Variants in UBR3 observed in about 807,000 individuals in gnomAD.
UBR3 encodes the protein E3 ubiquitin-protein ligase UBR3.
A neutral mutation model predicts 243.2 loss-of-function variants in UBR3; 85 were observed. The observed-to-expected ratio is 0.35, with a 90% CI of 0.29 to 0.42. The LOEUF (loss-of-function observed/expected upper bound fraction) is 0.42. UBR3 is among the 10% of genes least tolerant of loss of function. The probability of loss-of-function intolerance (pLI) is 1.00; values close to 1 mark genes in which losing one functional copy is unlikely to be tolerated. For missense variants in UBR3, 1,686 were observed against 2,300.8 expected, an observed-to-expected ratio of 0.73 and a Z score of 5.47; for synonymous variants, 748 against 799.8, an observed-to-expected ratio of 0.94 and a Z score of 1.09.
chr2:169,900,797 A>G (rs1040771109), intron 8 of UBR3, among the ~76,000 whole-genome samples: 10 of 150,422 alleles, frequency 6.6e-5, no homozygotes, highest in Non-Finnish European at 1.5e-4. Flanking sequence ...TCGTATCCTT[A>G]CCTACCTCAT....
intron 10 of UBR3, among the ~76,000 whole-genome samples, chr2:169,907,653 A>G (rs976435514): frequency 6.6e-6 from 1 of 152,126 alleles, no homozygotes; most frequent in Non-Finnish European, 1.5e-5. Flanking sequence ...CTTTACTTAA[A>G]AATCATTCAA....
chr2:170,055,352 G>C (rs2091310009), intron 32 of UBR3, 108 bp from the exon 33 acceptor site: 1 of 1,358,916 alleles, frequency 7.4e-7, no homozygotes, highest in East Asian at 2.5e-5. Flanking sequence ...ATTAAGTGTT[G>C]AAAACAAAAA....
intron 30 of UBR3, among the ~76,000 whole-genome samples, chr2:170,016,177 AAT>A (rs910649488): frequency 3.3e-5 from 5 of 151,866 alleles, no homozygotes; most frequent in Admixed American, 6.6e-5. Context: ...TTTTTAACAA[AAT>A]ATATGTTATT....
chr2:170,001,527 C>G, intron 27 of UBR3, 113 bp downstream of exon 27: 1 of 642,132 alleles, frequency 1.6e-6, no homozygotes, highest in African/African-American at 1.8e-5. Context: ...TTTTGATCAT[C>G]GTATAAACTA....
intron 1 of UBR3, among the ~76,000 whole-genome samples, chr2:169,831,127 A>ATATATTTT (rs1450878762): frequency 1.8e-5 from 1 of 56,464 alleles, no homozygotes; most frequent in African/African-American, 9.0e-5. Flanking sequence ...ATATATATAT[A>ATATATTTT]TTTTTTTTTT....
intron 2 of UBR3, 114 bp from the exon 3 acceptor site, chr2:169,875,677 T>C: frequency 9.6e-7 from 1 of 1,046,514 alleles, no homozygotes; most frequent in South Asian, 2.3e-5. Context: ...TTTTTGATTA[T>C]AAAATACTAT....
intron 11 of UBR3, among the ~76,000 whole-genome samples, chr2:169,917,806 G>A (rs759894267): frequency 4.6e-5 from 7 of 152,156 alleles, no homozygotes; most frequent in South Asian, 2.1e-4. Context: ...GGGTTCAAGC[G>A]ATTCTCCTGC....
In UBR3 at chr2:169,882,365, ATG is replaced by A. The variant is rs368797585; in HGVS notation, c.1038+3793_1038+3794del. Among the ~76,000 whole-genome samples the A allele has an allele frequency of 5.7e-5, 8 of 140,352 alleles. No individual in the cohort carries two copies. In the East Asian group the frequency reaches 8.0e-4, roughly 14 times the overall value. 92.1% of individuals were successfully genotyped at this position (140,352 alleles called of 152,430 possible). On this transcript the variant is annotated intron_variant, in intron 5 of 38. Coordinates refer to ENST00000272793, the MANE Select transcript of UBR3 (RefSeq NM_172070.4). ...ATATATATGTAAATATATATTATATATGTAAATATATATTATATATAAAAATA... is the reference window on the plus strand; with the variant it reads ...ATATATATGTAAATATATATTATATATAAATATATATTATATATAAAAATA...
intron 32 of UBR3, among the ~76,000 whole-genome samples, chr2:170,047,764 C>T (rs1001078410): frequency 6.6e-6 from 1 of 152,104 alleles, no homozygotes; most frequent in Non-Finnish European, 1.5e-5. Context: ...AGTTGCATGC[C>T]ATTCTGAGTA....
At chr2:169,871,942 C>A (rs539111571) in intron 1 of UBR3, among the ~76,000 whole-genome samples, 3 of 151,748 alleles carry the variant, frequency 2.0e-5, no homozygotes, top group African/African-American at 7.3e-5. Flanking sequence ...TAAAGTGGTA[C>A]CTGAAAGTAA....
intron 8 of UBR3, among the ~76,000 whole-genome samples, chr2:169,903,447 G>T (rs2084903853): frequency 6.6e-6 from 1 of 152,080 alleles, no homozygotes; most frequent in African/African-American, 2.4e-5. Flanking sequence ...CATGGCCAGG[G>T]GTTAGTATAA....
intron 1 of UBR3, among the ~76,000 whole-genome samples, chr2:169,871,102 G>T (rs1485017894): frequency 1.3e-5 from 2 of 151,900 alleles, no homozygotes; most frequent in South Asian, 2.1e-4. Context: ...GTTTAATGTG[G>T]TAATTATGTG....
At chr2:169,848,700 GT>G (rs2082564275) in intron 1 of UBR3, among the ~76,000 whole-genome samples, 1 of 125,580 alleles carries the variant, frequency 8.0e-6, no homozygotes, top group Admixed American at 8.6e-5. Context: ...GTAATGTCAA[GT>G]TTTTTAATTT....
At chr2:170,067,796 GT>G (rs2091609770) in intron 35 of UBR3, among the ~76,000 whole-genome samples, 1 of 139,040 alleles carries the variant, frequency 7.2e-6, no homozygotes, top group Non-Finnish European at 1.5e-5. Context: ...TTTTGAGACA[GT>G]TTCCCTCTGT....
chr2:170,038,362 G>A (rs575605456), intron 31 of UBR3, among the ~76,000 whole-genome samples: 8 of 152,254 alleles, frequency 5.3e-5, no homozygotes, highest in South Asian at 4.1e-4. Flanking sequence ...TGTACCACTC[G>A]TTTATTTGTT....
At chr2:170,019,696 A>G (rs6752586) in intron 30 of UBR3, among the ~76,000 whole-genome samples, 16,268 of 152,186 alleles carry the variant, frequency 0.11, 1,141 homozygotes, top group Admixed American at 0.19. Flanking sequence ...AAAAAAAATT[A>G]TAGAAAATTA....
intron 36 of UBR3, chr2:170,078,003 G>A (rs561016359): frequency 7.5e-5 from 50 of 666,070 alleles, no homozygotes; most frequent in African/African-American, 7.0e-4. Flanking sequence ...TGGGAAGTAC[G>A]TTAGCTTGAG....
At chr2:170,034,355 C>G (rs1014814647) in intron 31 of UBR3, among the ~76,000 whole-genome samples, 2 of 151,918 alleles carry the variant, frequency 1.3e-5, no homozygotes, top group African/African-American at 2.4e-5. Flanking sequence ...TCAGTACAAC[C>G]CCTGGCAACC....
chr2:169,852,072 T>A (rs2082678464), intron 1 of UBR3, among the ~76,000 whole-genome samples: 1 of 152,178 alleles, frequency 6.6e-6, no homozygotes, highest in Admixed American at 6.5e-5. Context: ...TGGTTTAATC[T>A]CTCTGGGCAT....
Sources: allele counts gnomAD v4.1 joint callset (sites outside exome capture counted in the v4.1 genomes callset), GRCh38; gene constraint gnomAD v4.1.1; transcripts MANE v1.5; gene names NCBI Gene and HGNC (gene_info 2026-07-23, HGNC 2026-07-21).